Variants in NCOA2 observed in about 807,000 individuals in gnomAD.
NCOA2 encodes class E basic helix-loop-helix protein 75.
NCOA2 carries 21 observed loss-of-function variants against 145.1 expected under a neutral mutation model. The ratio of observed to expected loss-of-function variants is 0.14; its 90% CI spans 0.10 to 0.21. NCOA2 has a LOEUF of 0.21. NCOA2 is among the 10% of genes least tolerant of loss of function. The pLI is 1.00. For missense variants in NCOA2, 1,472 were observed against 1,837.6 expected, an observed-to-expected ratio of 0.80 and a Z score of 3.64; for synonymous variants, 619 against 637.5, an observed-to-expected ratio of 0.97 and a Z score of 0.44.
At chr8:70,305,606 A>C (rs1827824766) in intron 1 of NCOA2, among the ~76,000 whole-genome samples, 1 of 152,166 alleles carries the variant, frequency 6.6e-6, no homozygotes, top group Non-Finnish European at 1.5e-5. Context: ...GCTAGGCAGC[A>C]CCGACCCACC....
intron 2 of NCOA2, among the ~76,000 whole-genome samples, chr8:70,276,123 T>G (rs1214017489): frequency 6.6e-6 from 1 of 152,184 alleles, no homozygotes; most frequent in Non-Finnish European, 1.5e-5. Context: ...GAATACCAAT[T>G]TCTTCCTCCA....
chr8:70,159,245 T>A (rs201892315), intron 10 of NCOA2, among the ~76,000 whole-genome samples: 2,421 of 62,066 alleles, frequency 0.039, 231 homozygotes, highest in East Asian at 0.26. Context: ...TATATATATT[T>A]TTTTTTTTTT....
At chr8:70,305,049 CTTT>C (rs780225619) in intron 1 of NCOA2, among the ~76,000 whole-genome samples, 4 of 128,374 alleles carry the variant, frequency 3.1e-5, no homozygotes, top group South Asian at 2.4e-4. Flanking sequence ...TTTATTCATT[CTTT>C]TTTTTTTTTT....
At chr8:70,351,594 CT>C (rs66475474) in intron 1 of NCOA2, among the ~76,000 whole-genome samples, 826 of 134,336 alleles carry the variant, frequency 6.1e-3, no homozygotes, top group Middle Eastern at 0.012. Context: ...TCTTTTTTTC[CT>C]TTTTTTTTTT....
chr8:70,324,672 A>T (rs1322312001), intron 1 of NCOA2, among the ~76,000 whole-genome samples: 1 of 152,168 alleles, frequency 6.6e-6, no homozygotes, highest in Non-Finnish European at 1.5e-5. Flanking sequence ...TCTATAGATC[A>T]ACAACCTTTA....
chr8:70,162,654 G>C, intron 9 of NCOA2, 57 bp downstream of exon 9: 2 of 1,533,508 alleles, frequency 1.3e-6, no homozygotes, highest in Admixed American at 3.6e-5. Flanking sequence ...AGGAATCATT[G>C]ACAGAAAGCT....
chr8:70,312,984 G>A (rs1448320536), intron 1 of NCOA2, among the ~76,000 whole-genome samples: 2 of 152,136 alleles, frequency 1.3e-5, no homozygotes, highest in East Asian at 3.8e-4. Context: ...AGCAAAGACA[G>A]GTAATTGGGG....
intron 2 of NCOA2, among the ~76,000 whole-genome samples, chr8:70,231,963 A>G (rs561130609): frequency 1.1e-4 from 16 of 152,272 alleles, no homozygotes; most frequent in African/African-American, 3.6e-4. Context: ...GAGTAATTTC[A>G]AAGACTGTGT....
At chr8:70,299,458 A>G (rs1340568791) in intron 1 of NCOA2, among the ~76,000 whole-genome samples, 2 of 152,244 alleles carry the variant, frequency 1.3e-5, no homozygotes, top group Non-Finnish European at 2.9e-5. Context: ...GCATGTATCT[A>G]GAATATATAA....
chr8:70,200,013 C>T (rs1817718166), intron 4 of NCOA2, among the ~76,000 whole-genome samples: 1 of 152,126 alleles, frequency 6.6e-6, no homozygotes, highest in African/African-American at 2.4e-5. Context: ...CTTTTTCCCC[C>T]CTTGTCATTA....
intron 1 of NCOA2, among the ~76,000 whole-genome samples, chr8:70,391,550 T>C (rs1331935149): frequency 4.6e-5 from 7 of 152,200 alleles, no homozygotes; most frequent in Non-Finnish European, 8.8e-5. Context: ...TCTCAAAGGT[T>C]GGCTGTGCTT....
intron 1 of NCOA2, among the ~76,000 whole-genome samples, chr8:70,336,559 G>GA (rs1166702543): frequency 1.3e-5 from 2 of 152,122 alleles, no homozygotes; most frequent in Non-Finnish European, 2.9e-5. Context: ...GGTGGAAGGT[G>GA]AAGGGGAAGC....
chr8:70,127,168 A>C (rs1808507613), intron 18 of NCOA2, 121 bp from the exon 19 acceptor site: 1 of 688,720 alleles, frequency 1.5e-6, no homozygotes, highest in Non-Finnish European at 2.5e-6. Flanking sequence ...TTTGGAAAAA[A>C]ATTACATGAA....
chr8:70,215,540 G>T (rs1463823863), intron 3 of NCOA2, among the ~76,000 whole-genome samples: 1 of 152,156 alleles, frequency 6.6e-6, no homozygotes, highest in African/African-American at 2.4e-5. Context: ...TTGGCAACTA[G>T]AAGGGGAAAA....
intron 2 of NCOA2, among the ~76,000 whole-genome samples, chr8:70,267,392 GT>G (rs34028372): frequency 0.68 from 69,434 of 102,324 alleles, 22,174 homozygotes; most frequent in Admixed American, 0.74. Flanking sequence ...TTTCCTTTCT[GT>G]TTTTTTTTTT....
chr8:70,363,596 C>G (rs1810411791), intron 1 of NCOA2, among the ~76,000 whole-genome samples: 1 of 152,032 alleles, frequency 6.6e-6, no homozygotes, highest in African/African-American at 2.4e-5. Flanking sequence ...CTATGAAATA[C>G]TATCAGCAAT....
intron 4 of NCOA2, among the ~76,000 whole-genome samples, chr8:70,206,424 TTC>T (rs1402476956): frequency 2.6e-5 from 4 of 152,242 alleles, no homozygotes; most frequent in Non-Finnish European, 5.9e-5. Flanking sequence ...CAAAATTTAT[TTC>T]TTATTGATGA....
At chr8:70,404,485 G>A (rs1814675275), upstream of NCOA2, among the ~76,000 whole-genome samples, 1 of 152,118 alleles carries the variant, frequency 6.6e-6, no homozygotes, top group Admixed American at 6.5e-5. Context: ...CCCAACTCCC[G>A]GTCCTGCCGC....
At chr8:70,329,894 T>C (rs1051860554) in intron 1 of NCOA2, among the ~76,000 whole-genome samples, 7 of 152,236 alleles carry the variant, frequency 4.6e-5, no homozygotes, top group Middle Eastern at 3.4e-3. Context: ...CAGAGCTCTA[T>C]CTTATAGGGA....
Sources: gnomAD v4.1 joint callset for allele counts (sites outside exome capture counted in the v4.1 genomes callset) on GRCh38, gnomAD v4.1.1 for gene constraint, MANE v1.5 for transcripts, NCBI Gene and HGNC (gene_info 2026-07-23, HGNC 2026-07-21) for gene names.